VTCN1: variants seen among roughly 807,000 people sequenced by gnomAD.
VTCN1 encodes the protein V-set domain containing T cell activation inhibitor 1, also known as V-set domain-containing T-cell activation inhibitor 1.
A neutral mutation model predicts 26.5 loss-of-function variants in VTCN1; 26 were observed. That is an observed-to-expected ratio of 0.98 (90% CI 0.72 to 1.36). The LOEUF is 1.36. Ranked by LOEUF, VTCN1 falls within the 40% of genes most tolerant of loss-of-function variation. The pLI, the probability that VTCN1 is intolerant of heterozygous loss-of-function variation, is 0.00. For missense variants in VTCN1, 298 were observed against 337.7 expected (o/e 0.88, Z 0.92); for synonymous variants, 116 against 130.7 (o/e 0.89, Z 0.77).
intron 2 of VTCN1, among the ~76,000 whole-genome samples, chr1:117,164,421 A>C (rs767462630): frequency 1.2e-4 from 18 of 152,128 alleles, no homozygotes; most frequent in Non-Finnish European, 2.2e-4. Flanking sequence ...TGTAACAATT[A>C]TTAGGAGGCA....
At chr1:117,181,650 C>G (rs1647677662) in intron 1 of VTCN1, among the ~76,000 whole-genome samples, 1 of 152,152 alleles carries the variant, frequency 6.6e-6, no homozygotes, top group Non-Finnish European at 1.5e-5. Flanking sequence ...AGTGGGAAGG[C>G]AGGTGAACCT....
rs1314786718 is a variant in VTCN1, at chr1:117,167,443, C to G, written c.97+2664G>C. Among the ~76,000 whole-genome samples the G allele has an allele frequency of 3.9e-5, 6 of 152,304 alleles. No homozygotes were observed. The East Asian group carries it at 1.2e-3, about 29-fold the overall frequency. ...TTTGCCTGTTTTTGAACTTCATATG[C>G]ATAGAATCATACAGAACTTACTCTT... On this transcript the variant is annotated intron_variant, in intron 2 of 5. Transcript: ENST00000369458. The surrounding 1 kb of genome is among the most constrained non-coding windows in gnomAD (Gnocchi z 4.1).
At chr1:117,182,591 C>T (rs1647727001) in intron 1 of VTCN1, among the ~76,000 whole-genome samples, 1 of 152,142 alleles carries the variant, frequency 6.6e-6, no homozygotes, top group Admixed American at 6.5e-5. Context: ...ACTCCCTGTC[C>T]TAGGGTGGAG....
intron 1 of VTCN1, among the ~76,000 whole-genome samples, chr1:117,172,971 T>C (rs967088699): frequency 2.0e-5 from 3 of 152,220 alleles, no homozygotes; most frequent in Non-Finnish European, 2.9e-5. Context: ...TCCGGTCCCC[T>C]TCCATGCTGT....
At chr1:117,210,728 G>A in intron 1 of VTCN1, 96 bp downstream of exon 1, 1 of 1,299,288 alleles carries the variant, frequency 7.7e-7, no homozygotes, top group Non-Finnish European at 1.1e-6. Context: ...ATTACAGGTG[G>A]GGTCCTATGG....
At chr1:117,149,746 T>C (rs1651697670) in intron 4 of VTCN1, among the ~76,000 whole-genome samples, 1 of 152,228 alleles carries the variant, frequency 6.6e-6, no homozygotes, top group Non-Finnish European at 1.5e-5. Flanking sequence ...CAATAGATAT[T>C]TGTTAAATGA....
chr1:117,194,243 T>C (rs982253250), intron 1 of VTCN1, among the ~76,000 whole-genome samples: 18 of 152,092 alleles, frequency 1.2e-4, no homozygotes, highest in African/African-American at 4.3e-4. Context: ...AGAAGATACG[T>C]AAATGGCTAA....
chr1:117,148,202 C>G (rs1651613511), intron 4 of VTCN1, among the ~76,000 whole-genome samples: 1 of 152,164 alleles, frequency 6.6e-6, no homozygotes, highest in African/African-American at 2.4e-5. Flanking sequence ...CATTCTGAAG[C>G]AGAGAATGGT....
At chr1:117,190,580 C>T (rs1414655544) in intron 1 of VTCN1, among the ~76,000 whole-genome samples, 1 of 152,180 alleles carries the variant, frequency 6.6e-6, no homozygotes, top group African/African-American at 2.4e-5. Context: ...ACCTTTGGTT[C>T]AGTATCAGCC....
At chr1:117,209,687 G>A (rs1312699507) in intron 1 of VTCN1, among the ~76,000 whole-genome samples, 1 of 152,242 alleles carries the variant, frequency 6.6e-6, no homozygotes, top group African/African-American at 2.4e-5. Flanking sequence ...CTGGAGCACA[G>A]TGCTGTAGCC....
intron 2 of VTCN1, among the ~76,000 whole-genome samples, chr1:117,158,408 A>G (rs1652198504): frequency 6.6e-6 from 1 of 152,184 alleles, no homozygotes; most frequent in South Asian, 2.1e-4. Context: ...CACCACATAG[A>G]AGCTGCCGAG....
chr1:117,147,515 G>A lies in VTCN1; in HGVS notation c.*45+98C>T, dbSNP rs1651569805. 9.8e-7 allele frequency: 1 copy of A among 1,025,632 alleles called. No individual in the cohort carries two copies. The allele number at this position is 1,025,632 out of a possible 1,614,324, so 63.5% of individuals were successfully genotyped here. On this transcript the variant is annotated intron_variant, in intron 5 of 5. Coordinates refer to ENST00000369458, the MANE Select transcript of VTCN1 (RefSeq NM_024626.4). The surrounding 1 kb of genome is among the most constrained non-coding windows in gnomAD (Gnocchi z 4.6). ...TGTCACAGCCCTGGTGTCATTAAAT[G>A]TTTCTTTCTGTGGCTGATGCTGAAG...
At chr1:117,193,753 A>G (rs1238890276) in intron 1 of VTCN1, among the ~76,000 whole-genome samples, 2 of 152,148 alleles carry the variant, frequency 1.3e-5, no homozygotes, top group Non-Finnish European at 2.9e-5. Flanking sequence ...AAATGGACCT[A>G]ATAGACATAG....
At chr1:117,199,354 C>T (rs1469241454) in intron 1 of VTCN1, among the ~76,000 whole-genome samples, 1 of 152,144 alleles carries the variant, frequency 6.6e-6, no homozygotes, top group African/African-American at 2.4e-5. Context: ...GAGACTGAGT[C>T]TCACTCTGTC....
Position 117,156,712 on chromosome 1 carries a change from C to T in VTCN1, c.307G>A (p.Val103Met). The change falls in exon 3 of 6, where the codon GTG (valine) becomes ATG (methionine). Residue 103 changes from valine (V) to methionine (M), a missense_variant. Physicochemically the swap from Val to Met is conservative, Grantham distance 21. Transcript: ENST00000369458. ...QDEMFRGRTA[V>M]FADQVIVGNA... is the part of the protein sequence containing the mutation. ...CCAACTATCACTTGATCAGCAAACA[C>T]TGCTGTCCGGCCTCTGAACATTTCA... 6.2e-7 allele frequency: 1 copy of T among 1,614,212 alleles called. No homozygotes were observed. The highest frequency in any genetic ancestry group is 1.3e-5 in the African/African-American group (1 of 75,056).
chr1:117,172,413 A>G (rs749480535), intron 1 of VTCN1: 2 of 518,792 alleles, frequency 3.9e-6, no homozygotes, highest in Non-Finnish European at 7.7e-6. Context: ...CCCACACCTC[A>G]GTGTAGCCTC....
intron 1 of VTCN1, among the ~76,000 whole-genome samples, chr1:117,182,317 A>C (rs1173292009): frequency 6.6e-6 from 1 of 152,208 alleles, no homozygotes; most frequent in Non-Finnish European, 1.5e-5. Flanking sequence ...TCAGTCTTCC[A>C]AAAGATCTAC....
At chr1:117,196,631 T>C (rs548757782) in intron 1 of VTCN1, among the ~76,000 whole-genome samples, 14 of 152,032 alleles carry the variant, frequency 9.2e-5, no homozygotes, top group African/African-American at 3.4e-4. Context: ...CTCTTTTAGA[T>C]GTTGGGCAAA....
At chr1:117,173,419 T>C (rs1653031104) in intron 1 of VTCN1, among the ~76,000 whole-genome samples, 1 of 151,646 alleles carries the variant, frequency 6.6e-6, no homozygotes, top group South Asian at 2.1e-4. Context: ...AGCAGAGATC[T>C]ACAACTCAAG....
Sources: allele counts gnomAD v4.1 joint callset (sites outside exome capture counted in the v4.1 genomes callset), GRCh38; gene constraint gnomAD v4.1.1; non-coding constraint Gnocchi (gnomAD v3.1); transcripts MANE v1.5; gene names NCBI Gene and HGNC (gene_info 2026-07-23, HGNC 2026-07-21).